RSPO2: variants seen among roughly 807,000 people sequenced by gnomAD.
RSPO2 encodes R-spondin 2.
In RSPO2, 14 loss-of-function variants were observed where a neutral mutation model predicts 30.9. The observed-to-expected ratio is 0.45, with a 90% confidence interval of 0.30 to 0.71. RSPO2 has a LOEUF of 0.71. RSPO2 is among the 30% of genes least tolerant of loss of function. RSPO2 has a pLI of 0.08. For missense variants in RSPO2, 264 were observed against 301.9 expected (o/e 0.87, Z 0.93); for synonymous variants, 107 against 96.4 (o/e 1.11, Z -0.64).
At chr8:107,988,914 C>T in intron 3 of RSPO2, 142 bp downstream of exon 3, 1 of 747,416 alleles carries the variant, frequency 1.3e-6, no homozygotes, top group Non-Finnish European at 2.0e-6. Context: ...AGGCATGACC[C>T]ACCACACCCA....
intron 2 of RSPO2, among the ~76,000 whole-genome samples, chr8:107,995,894 G>A (rs1421644082): frequency 6.6e-6 from 1 of 151,926 alleles, no homozygotes; most frequent in Non-Finnish European, 1.5e-5. Flanking sequence ...TACTCACTAT[G>A]GTATTTTGTT....
At chr8:107,962,806 T>C (rs1485099691) in intron 3 of RSPO2, among the ~76,000 whole-genome samples, 1 of 152,132 alleles carries the variant, frequency 6.6e-6, no homozygotes, top group Non-Finnish European at 1.5e-5. Flanking sequence ...AAAGCTCTTC[T>C]ACTTAAAGAG....
intron 2 of RSPO2, among the ~76,000 whole-genome samples, chr8:108,043,315 C>A (rs986448018): frequency 6.6e-6 from 1 of 152,064 alleles, no homozygotes; most frequent in Admixed American, 6.6e-5. Context: ...TTTTTTAGTA[C>A]AAGCCTCAGA....
rs1169383014 is a variant in RSPO2 at position 107,899,359 on chromosome 8, C to G, written c.*1716G>C. On this transcript the variant is annotated 3_prime_UTR_variant, in exon 6 of 6. Coordinates refer to ENST00000276659, the MANE Select transcript of RSPO2 (RefSeq NM_178565.5). The stretch of plus-strand genomic sequence containing the variant: ...TGCACAAAAAAGAACATCCCAGGAA[C>G]AACAGGTATTGACTTATTAACGATG... 1 of 152,520 alleles carries G rather than the reference C, an allele frequency of 6.6e-6. No individual in the cohort carries two copies. The highest frequency in any genetic ancestry group is 1.5e-5 in the Non-Finnish European group (1 of 68,012). 9.4% of individuals were successfully genotyped at this position (152,520 alleles called of 1,614,324 possible).
chr8:108,039,699 A>G (rs1321518467), intron 2 of RSPO2, among the ~76,000 whole-genome samples: 2 of 152,154 alleles, frequency 1.3e-5, no homozygotes, highest in East Asian at 1.9e-4. Context: ...GTCTCTTCCC[A>G]TCAACCTTAG....
chr8:108,047,297 T>C (rs1422150980), intron 2 of RSPO2, among the ~76,000 whole-genome samples: 1 of 152,192 alleles, frequency 6.6e-6, no homozygotes. Context: ...TTTAAGCAAT[T>C]CTTAATCCTT....
chr8:107,954,565 A>G (rs1813355443), intron 5 of RSPO2, among the ~76,000 whole-genome samples: 1 of 142,944 alleles, frequency 7.0e-6, no homozygotes, highest in Non-Finnish European at 1.5e-5. Flanking sequence ...AGTGTTCAAT[A>G]TTTTTTCCTT....
intron 2 of RSPO2, among the ~76,000 whole-genome samples, chr8:108,003,291 ATATATATATATATATATATATTTTT>A (rs1815320336): frequency 1.3e-4 from 4 of 31,930 alleles, no homozygotes; most frequent in Admixed American, 6.7e-4. Flanking sequence ...ATATATATAT[ATATATATATATATATATATATTTTT>A]TTTTTTTTTT....
intron 3 of RSPO2, among the ~76,000 whole-genome samples, chr8:107,979,131 C>T (rs1258847563): frequency 6.6e-6 from 1 of 152,134 alleles, no homozygotes; most frequent in Non-Finnish European, 1.5e-5. Flanking sequence ...GGTGATTCCT[C>T]AGGGATCTAG....
At chr8:107,917,465 AT>A (rs1447266944) in intron 5 of RSPO2, among the ~76,000 whole-genome samples, 24 of 152,324 alleles carry the variant, frequency 1.6e-4, no homozygotes, top group Non-Finnish European at 1.8e-4. Flanking sequence ...AGCCAAAAAA[AT>A]AAAATAAAAT....
chr8:107,991,613 C>T (rs1009198669), intron 2 of RSPO2, among the ~76,000 whole-genome samples: 5 of 152,050 alleles, frequency 3.3e-5, no homozygotes, highest in Non-Finnish European at 4.4e-5. Flanking sequence ...AACAGGCAAC[C>T]TACAGAATGG....
chr8:108,080,309 G>A (rs1813153500), intron 2 of RSPO2, among the ~76,000 whole-genome samples: 1 of 152,018 alleles, frequency 6.6e-6, no homozygotes, highest in African/African-American at 2.4e-5. Context: ...CAGAAACTTG[G>A]GATTTGTAAA....
chr8:107,943,701 T>A (rs1812970016), intron 5 of RSPO2, among the ~76,000 whole-genome samples: 1 of 152,218 alleles, frequency 6.6e-6, no homozygotes, highest in Non-Finnish European at 1.5e-5. Context: ...ATTAAGTCAA[T>A]CTGCACACTT....
At chr8:107,916,961 G>T (rs540208118) in intron 5 of RSPO2, among the ~76,000 whole-genome samples, 65 of 152,088 alleles carry the variant, frequency 4.3e-4, no homozygotes, top group Non-Finnish European at 7.4e-4. Flanking sequence ...ACTAGCTTTA[G>T]CATTAAAGAT....
intron 3 of RSPO2, among the ~76,000 whole-genome samples, chr8:107,974,947 T>C (rs1249796838): frequency 6.6e-6 from 1 of 152,220 alleles, no homozygotes; most frequent in Non-Finnish European, 1.5e-5. Flanking sequence ...GTTCTTTTCT[T>C]TAACCGATGC....
chr8:107,978,617 A>T (rs1371516908), intron 3 of RSPO2, among the ~76,000 whole-genome samples: 3 of 152,156 alleles, frequency 2.0e-5, no homozygotes, highest in East Asian at 1.9e-4. Context: ...GACATAGGCA[A>T]GGGCAAGGAC....
At chr8:107,986,208 A>G (rs1814625334) in intron 3 of RSPO2, among the ~76,000 whole-genome samples, 1 of 152,378 alleles carries the variant, frequency 6.6e-6, no homozygotes, top group African/African-American at 2.4e-5. Flanking sequence ...GTCATGAAAA[A>G]GAGCAAATAA....
At chr8:107,971,897 TTA>T (rs1814011840) in intron 3 of RSPO2, among the ~76,000 whole-genome samples, 1 of 152,136 alleles carries the variant, frequency 6.6e-6, no homozygotes, top group African/African-American at 2.4e-5. Context: ...TCATGCTCAG[TTA>T]TATGTGTGAA....
chr8:108,063,974 A>G lies in RSPO2; in HGVS notation c.94+18571T>C, dbSNP rs1464693586. Among the ~76,000 whole-genome samples, 11 of 152,342 alleles carry G rather than the reference A, an allele frequency of 7.2e-5. No individual in the cohort carries two copies. In the South Asian group the frequency reaches 1.9e-3, roughly 26 times the overall value. ...ATGGTGCTGGGAAAACTGGCTAGCC[A>G]TATGTAGAAAGCTGAAGCTGGATCC... On this transcript the variant is annotated intron_variant, in intron 2 of 5. Transcript: ENST00000276659.
Sources: gnomAD v4.1 joint callset for allele counts (sites outside exome capture counted in the v4.1 genomes callset) on GRCh38, gnomAD v4.1.1 for gene constraint, MANE v1.5 for transcripts, NCBI Gene and HGNC (gene_info 2026-07-23, HGNC 2026-07-21) for gene names.